The following POLN variants were observed in gnomAD, a reference collection of about 807,000 sequenced individuals.
POLN encodes DNA polymerase nu, also known as DNA polymerase N.
POLN carries 108 observed loss-of-function variants against 113.5 expected under a neutral mutation model. That is an observed-to-expected ratio of 0.95 (90% CI 0.81 to 1.12). The LOEUF (loss-of-function observed/expected upper bound fraction) is 1.12. Ranked by LOEUF, POLN falls within the 50% of genes most tolerant of loss-of-function variation. POLN has a pLI of 0.00. For missense variants in POLN, 1,097 were observed against 1,077.1 expected, an observed-to-expected ratio of 1.02 and a Z score of -0.26; for synonymous variants, 386 against 391.5, an observed-to-expected ratio of 0.99 and a Z score of 0.17.
At chr4:2,123,921 T>G (rs970339453) in intron 19 of POLN, among the ~76,000 whole-genome samples, 7 of 152,124 alleles carry the variant, frequency 4.6e-5, no homozygotes, top group Admixed American at 2.6e-4. Context: ...CAAAGGACAT[T>G]TGATGAATAG....
At chr4:2,159,970 A>C (rs1337673691) in intron 13 of POLN, among the ~76,000 whole-genome samples, 1 of 152,240 alleles carries the variant, frequency 6.6e-6, no homozygotes, top group African/African-American at 2.4e-5. Flanking sequence ...GTATGTTCAC[A>C]GTTCTGTGGA....
intron 5 of POLN, among the ~76,000 whole-genome samples, chr4:2,205,780 CAGA>C (rs1056919632): frequency 3.3e-4 from 50 of 150,190 alleles, no homozygotes; most frequent in African/African-American, 1.2e-3. Context: ...GAGGCTGAGG[CAGA>C]AGAATCACTT....
At chr4:2,162,323 C>G (rs1394286664) in intron 13 of POLN, among the ~76,000 whole-genome samples, 1 of 152,088 alleles carries the variant, frequency 6.6e-6, no homozygotes, top group East Asian at 1.9e-4. Context: ...ACACTCACCG[C>G]GAAGGTCTGC....
chr4:2,210,089 G>A (rs550311781), intron 4 of POLN, among the ~76,000 whole-genome samples: 1 of 150,414 alleles, frequency 6.6e-6, no homozygotes, highest in Admixed American at 6.6e-5. Flanking sequence ...TTTAACACTT[G>A]GTCACATGTT....
At chr4:2,105,789 T>G (rs897717707) in intron 19 of POLN, among the ~76,000 whole-genome samples, 2 of 149,038 alleles carry the variant, frequency 1.3e-5, no homozygotes, top group African/African-American at 5.0e-5. Flanking sequence ...AGGAGCCCAC[T>G]CTCCCAGACA....
chr4:2,095,704 T>A (rs912214891), intron 20 of POLN, 147 bp downstream of exon 20: 64 of 733,556 alleles, frequency 8.7e-5, no homozygotes, highest in Non-Finnish European at 1.4e-4. Flanking sequence ...GTCTGGCCAG[T>A]GTCTGGTGAC....
At chr4:2,145,495 A>C (rs760479333) in intron 16 of POLN, among the ~76,000 whole-genome samples, 2 of 152,350 alleles carry the variant, frequency 1.3e-5, no homozygotes, top group East Asian at 1.9e-4. Context: ...TGGGCAAAAG[A>C]AATAAACAAG....
chr4:2,188,125 C>T (rs1409853310), intron 7 of POLN, among the ~76,000 whole-genome samples: 1 of 151,276 alleles, frequency 6.6e-6, no homozygotes, highest in Admixed American at 6.6e-5. Flanking sequence ...CCCTGCCAAC[C>T]CCTCCCCAAT....
intron 2 of POLN, among the ~76,000 whole-genome samples, chr4:2,239,856 CA>C (rs1734906825): frequency 1.3e-5 from 2 of 152,176 alleles, no homozygotes; most frequent in Admixed American, 6.5e-5. Flanking sequence ...TGCTGCCCTC[CA>C]TTAACGTATG....
In POLN at chr4:2,147,863, G is replaced by A. The variant is rs956761162; in HGVS notation, c.1731+8925C>T. On this transcript the variant is annotated intron_variant, in intron 16 of 25. Transcript: ENST00000511885. ...TCTCCATGTTGGTCAGGCTGGTCTC[G>A]ATCTCCTGACCTCAGGTGATCTGCC... 6.6e-5 allele frequency among the ~76,000 whole-genome samples: 10 copies of A among 151,872 alleles called. No individual in the cohort carries two copies. In the South Asian group the frequency reaches 1.2e-3, roughly 19 times the overall value.
intron 3 of POLN, among the ~76,000 whole-genome samples, chr4:2,227,154 T>G (rs183663545): frequency 5.3e-4 from 80 of 152,282 alleles, no homozygotes; most frequent in Non-Finnish European, 9.1e-4. Flanking sequence ...TCACATTATA[T>G]AAAACTGTAA....
chr4:2,223,098 G>C (rs1319221899), intron 3 of POLN, among the ~76,000 whole-genome samples: 2 of 152,290 alleles, frequency 1.3e-5, no homozygotes, highest in South Asian at 2.1e-4. Context: ...GTGATACATT[G>C]CAAGAAATGC....
chr4:2,187,400 T>C (rs1489553178), intron 7 of POLN, among the ~76,000 whole-genome samples: 2 of 152,082 alleles, frequency 1.3e-5, no homozygotes, highest in East Asian at 3.9e-4. Context: ...TGTGCCACCA[T>C]GCCCGGCTCA....
Position 2,093,451 on chromosome 4 carries a change from G to A in POLN, c.2065+2400C>T, listed in dbSNP as rs2108698267. ...GCACCCTATGAGAGCATTTTCCCAG[G>A]AGGAGATGGCACAGGGAGGCGGAGG... On this transcript the variant is annotated intron_variant, in intron 20 of 25. Coordinates refer to ENST00000511885, the MANE Select transcript of POLN (RefSeq NM_181808.4). This position sits in a 1 kb window ranked among gnomAD's most constrained non-coding sequence, Gnocchi z 4.1. 1.3e-5 allele frequency among the ~76,000 whole-genome samples: 2 copies of A among 152,332 alleles called. No homozygotes were observed. The highest frequency in any genetic ancestry group is 3.4e-3 in the Middle Eastern group (1 of 294).
At chr4:2,111,200 T>C (rs918855148) in intron 19 of POLN, among the ~76,000 whole-genome samples, 3 of 152,212 alleles carry the variant, frequency 2.0e-5, no homozygotes, top group African/African-American at 7.2e-5. Flanking sequence ...ACCTTCATGC[T>C]AAAAACTCTC....
At chr4:2,085,322 T>G (rs3135159) in intron 21 of POLN, among the ~76,000 whole-genome samples, 111,233 of 152,168 alleles carry the variant, frequency 0.73, 45,270 homozygotes, top group Non-Finnish European at 0.9. Context: ...TTCATAAGAA[T>G]CCATGTTTTC....
intron 2 of POLN, among the ~76,000 whole-genome samples, chr4:2,239,350 A>C (rs995067059): frequency 1.3e-5 from 2 of 152,188 alleles, no homozygotes; most frequent in African/African-American, 2.4e-5. Context: ...GAATCCAAGT[A>C]TATGTTACTA....
intron 7 of POLN, among the ~76,000 whole-genome samples, chr4:2,190,023 CAAAAA>C (rs58730240): frequency 0.38 from 32,487 of 85,864 alleles, 5,781 homozygotes; most frequent in African/African-American, 0.58. Context: ...GACTCCATCT[CAAAAA>C]AAAAAAAAAA....
At chr4:2,096,347 C>T (rs371213562) in intron 19 of POLN, among the ~76,000 whole-genome samples, 5 of 152,312 alleles carry the variant, frequency 3.3e-5, no homozygotes, top group East Asian at 1.9e-4. Flanking sequence ...ACTGGATGAA[C>T]AACTCTGTCC....
Sources: allele counts gnomAD v4.1 joint callset (sites outside exome capture counted in the v4.1 genomes callset), GRCh38; gene constraint gnomAD v4.1.1; non-coding constraint Gnocchi (gnomAD v3.1); transcripts MANE v1.5; gene names NCBI Gene and HGNC (gene_info 2026-07-23, HGNC 2026-07-21).